The following C11orf65 variants were observed in gnomAD, a reference collection of about 807,000 sequenced individuals.
C11orf65 encodes protein MFI.
Under a neutral mutation model 35.3 loss-of-function variants are expected in C11orf65, and 38 were observed. The observed-to-expected ratio is 1.08, with a 90% CI of 0.83 to 1.41. C11orf65 has a LOEUF of 1.41. Ranked by LOEUF, C11orf65 falls within the 40% of genes most tolerant of loss-of-function variation. The pLI is 0.00. For missense variants in C11orf65, 370 were observed against 367.1 expected (o/e 1.01, Z -0.06); for synonymous variants, 105 against 114.4 (o/e 0.92, Z 0.53).
chr11:108,382,452 A>T (rs1343553437), downstream of C11orf65, among the ~76,000 whole-genome samples: 1 of 152,226 alleles, frequency 6.6e-6, no homozygotes, highest in Non-Finnish European at 1.5e-5. Flanking sequence ...AAATGTAAAC[A>T]AGGAAAGATA....
At chr11:108,449,777 T>C (rs2093320732) in intron 2 of C11orf65, among the ~76,000 whole-genome samples, 1 of 151,916 alleles carries the variant, frequency 6.6e-6, no homozygotes, top group African/African-American at 2.4e-5. Flanking sequence ...AAAGCCAAAA[T>C]TGACAAATGG....
intron 3 of C11orf65, among the ~76,000 whole-genome samples, chr11:108,414,046 C>T (rs555707992): frequency 5.3e-5 from 8 of 151,016 alleles, no homozygotes; most frequent in East Asian, 3.9e-4. Context: ...AGCAAGCAGA[C>T]GAAAATAAAT....
intron 6 of C11orf65, among the ~76,000 whole-genome samples, chr11:108,401,001 C>T (rs1183227336): frequency 3.3e-5 from 5 of 151,938 alleles, no homozygotes; most frequent in African/African-American, 9.7e-5. Flanking sequence ...CCCAGCTACT[C>T]GGCAGGCTGA....
At chr11:108,440,498 A>G (rs114704469) in intron 2 of C11orf65, among the ~76,000 whole-genome samples, 1,991 of 152,212 alleles carry the variant, frequency 0.013, 51 homozygotes, top group African/African-American at 0.045. Flanking sequence ...TTTCCTTATT[A>G]CACTTATTGG....
At position 108,466,026 on chromosome 11, in the gene C11orf65, C is replaced by T. The variant is rs563292547; in HGVS notation, c.-10+1445G>A. Among the ~76,000 whole-genome samples the T allele has an allele frequency of 7.2e-4, 108 of 150,814 alleles. 1 individual carries two copies. Among genetic ancestry groups the T allele is most frequent in the African/African-American group, 2.5e-3 (102 of 41,138 alleles). On this transcript the variant is annotated intron_variant, in intron 1 of 8. Transcript: ENST00000393084. ...CAACAACAACAAAAAACGACAGATTCTAAAGCATGTTAAAATGTACCATCC... is the reference window on the plus strand; with the variant it reads ...CAACAACAACAAAAAACGACAGATTTTAAAGCATGTTAAAATGTACCATCC...
chr11:108,431,498 T>C (rs1171174001), intron 3 of C11orf65, among the ~76,000 whole-genome samples: 1 of 152,190 alleles, frequency 6.6e-6, no homozygotes, highest in African/African-American at 2.4e-5. Context: ...GAGTTGGCAA[T>C]GATTTGCAGG....
At chr11:108,450,782 A>C (rs1456106321) in intron 2 of C11orf65, among the ~76,000 whole-genome samples, 1 of 151,692 alleles carries the variant, frequency 6.6e-6, no homozygotes, top group African/African-American at 2.4e-5. Flanking sequence ...AATAATAATA[A>C]AATTTTAAAA....
chr11:108,330,107 G>C (rs1009945495), downstream of C11orf65: 34 of 1,262,626 alleles, frequency 2.7e-5, no homozygotes, highest in Admixed American at 4.6e-4. Context: ...TTTTTTCCCT[G>C]GGATAAAAAC....
At chr11:108,314,847 T>C (rs986324356) in intron 6 of C11orf65, among the ~76,000 whole-genome samples, 2 of 152,210 alleles carry the variant, frequency 1.3e-5, no homozygotes, top group Non-Finnish European at 2.9e-5. Context: ...AAAATGCATT[T>C]ACAGAACTGT....
At chr11:108,446,323 A>G (rs2093257117) in intron 2 of C11orf65, among the ~76,000 whole-genome samples, 2 of 151,416 alleles carry the variant, frequency 1.3e-5, no homozygotes, top group Non-Finnish European at 2.9e-5. Context: ...TCCAAGACAC[A>G]TAATTGTCAG....
intron 3 of C11orf65, among the ~76,000 whole-genome samples, chr11:108,427,698 G>C: frequency 1.0e-5 from 1 of 95,530 alleles, no homozygotes; most frequent in Non-Finnish European, 1.9e-5. Context: ...CTCCAGCCTG[G>C]GCGACAGAGC....
At chr11:108,433,735 T>A (rs2093025919) in intron 2 of C11orf65, among the ~76,000 whole-genome samples, 1 of 148,732 alleles carries the variant, frequency 6.7e-6, no homozygotes, top group Non-Finnish European at 1.5e-5. Flanking sequence ...CTTGTTAGGC[T>A]TGGCCCCTAA....
intron 6 of C11orf65, chr11:108,315,949 T>C (rs751851357): frequency 1.2e-6 from 2 of 1,607,064 alleles, no homozygotes; most frequent in South Asian, 2.2e-5. Context: ...ATAGTAATTC[T>C]GTTTATGAAG....
rs144382130 is a variant in C11orf65, at chr11:108,420,171, A to G, written c.174+11575T>C. Among the ~76,000 whole-genome samples the G allele has an allele frequency of 3.9e-3, 592 of 152,362 alleles. 1 individual carries two copies. Among genetic ancestry groups the G allele is most frequent in the African/African-American group, 0.013 (557 of 41,574 alleles). The stretch of plus-strand genomic sequence containing the variant: ...AGGAGCATTAAAAAGCAAGTTATAA[A>G]TCTAGCAAAAGATATGTAAGACCTC... On this transcript the variant is annotated intron_variant, in intron 3 of 8. Transcript: ENST00000393084.
intron 6 of C11orf65, among the ~76,000 whole-genome samples, chr11:108,317,929 G>A (rs1327377655): frequency 6.6e-6 from 1 of 151,924 alleles, no homozygotes; most frequent in Non-Finnish European, 1.5e-5. Context: ...TTGTTGGACT[G>A]AGGCATGCCA....
At position 108,427,825 on chromosome 11, in the gene C11orf65, C is replaced by CTTTTTTTTTT. The variant is rs1164726398; in HGVS notation, c.174+3911_174+3920dup. ...ATCTCACGCCAGTTAGAATGGCAAT[C>CTTTTTTTTTT]TTTTTTTTTTTTTTTTTTTTTTTGA... On this transcript the variant is annotated intron_variant, in intron 3 of 8. Transcript: ENST00000393084. Among the ~76,000 whole-genome samples, 3 of 59,020 alleles carry CTTTTTTTTTT rather than the reference C, an allele frequency of 5.1e-5. 1 individual carries two copies. The highest frequency in any genetic ancestry group is 1.0e-3 in the East Asian group (2 of 1,922). The allele number at this position is 59,020 out of a possible 152,430, so 38.7% of individuals were successfully genotyped here.
intron 2 of C11orf65, among the ~76,000 whole-genome samples, chr11:108,346,256 T>C (rs1470650163): frequency 1.3e-5 from 2 of 152,136 alleles, no homozygotes; most frequent in African/African-American, 4.8e-5. Context: ...TGATAACTTA[T>C]TTCCTTTAAT....
intron 7 of C11orf65, among the ~76,000 whole-genome samples, chr11:108,389,869 T>C (rs923311965): frequency 2.0e-5 from 3 of 151,932 alleles, no homozygotes; most frequent in Non-Finnish European, 4.4e-5. Context: ...TAATTTTTTA[T>C]ATTTTTAGTA....
chr11:108,320,115 C>G, intron 6 of C11orf65: 1 of 1,336,442 alleles, frequency 7.5e-7, no homozygotes, highest in East Asian at 2.3e-5. Flanking sequence ...GGCTTCTTTT[C>G]TGAAAACTTG....
Sources: allele counts gnomAD v4.1 joint callset (sites outside exome capture counted in the v4.1 genomes callset), GRCh38; gene constraint gnomAD v4.1.1; transcripts MANE v1.5; gene names NCBI Gene and HGNC (gene_info 2026-07-23, HGNC 2026-07-21).